TMEM132D: variants seen among roughly 807,000 people sequenced by gnomAD.
The protein encoded by TMEM132D is mature OL transmembrane protein.
In TMEM132D, 21 loss-of-function variants were observed where a neutral mutation model predicts 62.3. The ratio of observed to expected loss-of-function variants is 0.34; its 90% CI spans 0.24 to 0.49. The LOEUF (loss-of-function observed/expected upper bound fraction) is 0.49, where lower values mean the gene tolerates loss of function less well. Ranked by LOEUF, TMEM132D falls within the 20% of genes least tolerant of loss-of-function variation. The pLI is 0.99. For missense variants in TMEM132D, 1,346 were observed against 1,402.8 expected, an observed-to-expected ratio of 0.96 and a Z score of 0.65; for synonymous variants, 621 against 575.6, an observed-to-expected ratio of 1.08 and a Z score of -1.13.
chr12:129,655,183 G>C (rs917381119), intron 2 of TMEM132D, among the ~76,000 whole-genome samples: 1 of 150,756 alleles, frequency 6.6e-6, no homozygotes, highest in Non-Finnish European at 1.5e-5. Flanking sequence ...TCTTGACCTC[G>C]TGATCCATCT....
chr12:129,095,847 G>A (rs1875097328), intron 5 of TMEM132D, among the ~76,000 whole-genome samples: 1 of 152,172 alleles, frequency 6.6e-6, no homozygotes, highest in Admixed American at 6.5e-5. Flanking sequence ...GCTCTGTTGT[G>A]TAAGCCACCT....
rs200545410 is a variant in TMEM132D at position 129,388,394 on chromosome 12, C to T, written c.1116-50577G>A. Among the ~76,000 whole-genome samples, 5 of 107,170 alleles carry T rather than the reference C, an allele frequency of 4.7e-5. 1 individual carries two copies. The highest frequency in any genetic ancestry group is 8.9e-5 in the African/African-American group (3 of 33,612). The allele number at this position is 107,170 out of a possible 152,430, so 70.3% of individuals were successfully genotyped here. On this transcript the variant is annotated intron_variant, in intron 3 of 8. Coordinates refer to ENST00000422113, the MANE Select transcript of TMEM132D (RefSeq NM_133448.3). Reference sequence around the variant, plus strand: ...ACTGATGATAATATTAACACTAACACGAATCCTAATATAAACACTAACAGC... The same window carrying T: ...ACTGATGATAATATTAACACTAACATGAATCCTAATATAAACACTAACAGC...
intron 4 of TMEM132D, among the ~76,000 whole-genome samples, chr12:129,224,709 C>A: frequency 6.6e-6 from 1 of 152,150 alleles, no homozygotes; most frequent in Non-Finnish European, 1.5e-5. Context: ...AGTTTGAGAC[C>A]AGACTGGCCA....
intron 2 of TMEM132D, among the ~76,000 whole-genome samples, chr12:129,538,725 T>G (rs1360440214): frequency 1.3e-5 from 2 of 152,248 alleles, no homozygotes; most frequent in Non-Finnish European, 2.9e-5. Context: ...TCACCCTTTT[T>G]CTTAGGATGA....
chr12:129,232,829 A>AAGAGAGAGAGAGAGAGAG (rs138298025), intron 4 of TMEM132D, among the ~76,000 whole-genome samples: 2 of 149,672 alleles, frequency 1.3e-5, no homozygotes, highest in Non-Finnish European at 3.0e-5. Context: ...GAGAGAGATA[A>AAGAGAGAGAGAGAGAGAG]AGAGAGAGAG....
chr12:129,619,635 G>T (rs958754287), intron 2 of TMEM132D, among the ~76,000 whole-genome samples: 4 of 152,040 alleles, frequency 2.6e-5, no homozygotes, highest in Non-Finnish European at 2.9e-5. Context: ...AACAGAAAAG[G>T]TATCACTGTA....
intron 1 of TMEM132D, among the ~76,000 whole-genome samples, chr12:129,878,275 C>A (rs80070184): frequency 6.6e-6 from 1 of 152,172 alleles, no homozygotes; most frequent in African/African-American, 2.4e-5. Context: ...CCTTCCTTTC[C>A]TGAAATCCTA....
chr12:129,575,476 T>A (rs1208593874), intron 2 of TMEM132D, among the ~76,000 whole-genome samples: 1 of 151,794 alleles, frequency 6.6e-6, no homozygotes, highest in Non-Finnish European at 1.5e-5. Flanking sequence ...AAACCTGAAG[T>A]GATTACCGGG....
At chr12:129,874,386 G>A (rs1185398104) in intron 1 of TMEM132D, among the ~76,000 whole-genome samples, 2 of 151,638 alleles carry the variant, frequency 1.3e-5, no homozygotes, top group African/African-American at 4.8e-5. Context: ...CTTCAGCCTG[G>A]GTGACAGAGC....
chr12:129,550,158 T>G (rs7294370), intron 2 of TMEM132D, among the ~76,000 whole-genome samples: 30,419 of 152,160 alleles, frequency 0.2, 3,571 homozygotes, highest in East Asian at 0.46. Flanking sequence ...TTTTCCAGAT[T>G]CTACAGCAAG....
chr12:129,088,895 C>A lies in TMEM132D; in HGVS notation c.1444-4193G>T, dbSNP rs553939835. Among the ~76,000 whole-genome samples the A allele has an allele frequency of 5.6e-4, 16 of 28,524 alleles. 1 individual carries two copies. The highest frequency in any genetic ancestry group is 1.5e-3 in the African/African-American group (5 of 3,286). The allele number at this position is 28,524 out of a possible 152,430, so 18.7% of individuals were successfully genotyped here. ...TGTCCTCTATGACCGGGTGTCCTCC[C>A]TGACCGGGTGTCCTCCATGACCGGG... On this transcript the variant is annotated intron_variant, in intron 5 of 8. Coordinates refer to ENST00000422113, the MANE Select transcript of TMEM132D (RefSeq NM_133448.3).
At chr12:129,515,543 TGCAGAA>T (rs960491648) in intron 3 of TMEM132D, among the ~76,000 whole-genome samples, 10 of 152,132 alleles carry the variant, frequency 6.6e-5, no homozygotes, top group Non-Finnish European at 1.0e-4. Context: ...TTGGGAATAC[TGCAGAA>T]GCAGAAGCAG....
At chr12:129,385,805 C>T (rs1871091977) in intron 3 of TMEM132D, among the ~76,000 whole-genome samples, 1 of 152,166 alleles carries the variant, frequency 6.6e-6, no homozygotes, top group Admixed American at 6.5e-5. Context: ...AGCAACAGGC[C>T]AGCAGCCAAA....
At chr12:129,367,777 C>CTTTTTTTTT (rs60004106) in intron 3 of TMEM132D, among the ~76,000 whole-genome samples, 65 of 122,182 alleles carry the variant, frequency 5.3e-4, no homozygotes, top group East Asian at 7.2e-4. Context: ...CATTTCTTTT[C>CTTTTTTTTT]TTTTTTTTTT....
At chr12:129,427,406 T>C (rs1436440131) in intron 3 of TMEM132D, among the ~76,000 whole-genome samples, 2 of 46,500 alleles carry the variant, frequency 4.3e-5, no homozygotes, top group South Asian at 1.3e-3. Flanking sequence ...GGGCCTGTTG[T>C]GGGGTCGGGG....
intron 2 of TMEM132D, among the ~76,000 whole-genome samples, chr12:129,625,227 G>A (rs1409536372): frequency 6.6e-6 from 1 of 151,970 alleles, no homozygotes; most frequent in East Asian, 1.9e-4. Flanking sequence ...TTTTTAAGAG[G>A]TCTCTACATT....
intron 4 of TMEM132D, among the ~76,000 whole-genome samples, chr12:129,265,358 G>A (rs1007115287): frequency 6.6e-6 from 1 of 152,188 alleles, no homozygotes; most frequent in African/African-American, 2.4e-5. Context: ...TGTGGTAGAT[G>A]GGGGAGCCAA....
chr12:129,363,524 T>A (rs971043786), intron 3 of TMEM132D, among the ~76,000 whole-genome samples: 1 of 152,202 alleles, frequency 6.6e-6, no homozygotes, highest in African/African-American at 2.4e-5. Context: ...ATATGACAAA[T>A]GAAAGTGCTG....
At chr12:129,632,434 G>T (rs374499500) in intron 2 of TMEM132D, among the ~76,000 whole-genome samples, 1 of 152,164 alleles carries the variant, frequency 6.6e-6, no homozygotes, top group African/African-American at 2.4e-5. Context: ...AGCTGTTCAT[G>T]ACCCTCTTTT....
Sources: gnomAD v4.1 joint callset for allele counts (sites outside exome capture counted in the v4.1 genomes callset) on GRCh38, gnomAD v4.1.1 for gene constraint, MANE v1.5 for transcripts, NCBI Gene and HGNC (gene_info 2026-07-23, HGNC 2026-07-21) for gene names.